The following RAI14 variants were observed in gnomAD, a reference collection of about 807,000 sequenced individuals.
The protein encoded by RAI14 is ankycorbin.
RAI14 carries 45 observed loss-of-function variants against 115.4 expected under a neutral mutation model. The ratio of observed to expected loss-of-function variants is 0.39; its 90% CI spans 0.31 to 0.50. RAI14 has a LOEUF of 0.50. Ranked by LOEUF, RAI14 falls within the 20% of genes least tolerant of loss-of-function variation. The pLI, the probability that RAI14 is intolerant of heterozygous loss-of-function variation, is 0.85. For synonymous variants in RAI14, 371 were observed against 415.4 expected (o/e 0.89, Z 1.30); for missense variants, 939 against 1,131.2 (o/e 0.83, Z 2.44).
intron 1 of RAI14, among the ~76,000 whole-genome samples, chr5:34,663,497 A>G (rs1742860323): frequency 1.3e-5 from 2 of 152,220 alleles, no homozygotes; most frequent in South Asian, 4.1e-4. Flanking sequence ...AGCATGGGCA[A>G]CAGAGTGAGA....
chr5:34,777,717 G>A (rs905510898), intron 3 of RAI14, among the ~76,000 whole-genome samples: 1 of 151,964 alleles, frequency 6.6e-6, no homozygotes, highest in African/African-American at 2.4e-5. Context: ...AGGCAGAGAT[G>A]GCAGTGAGCC....
intron 2 of RAI14, among the ~76,000 whole-genome samples, chr5:34,723,078 C>T (rs1347561378): frequency 1.3e-4 from 18 of 137,038 alleles, no homozygotes; most frequent in Admixed American, 3.2e-4. Flanking sequence ...CCAGCCTGGG[C>T]GACAGAGTGA....
chr5:34,790,118 G>A (rs1181576596), intron 3 of RAI14, among the ~76,000 whole-genome samples: 1 of 152,214 alleles, frequency 6.6e-6, no homozygotes, highest in Non-Finnish European at 1.5e-5. Context: ...TTCATAGTGT[G>A]GTTTTCCCAC....
At chr5:34,727,316 GCATT>G (rs1743590453) in intron 2 of RAI14, among the ~76,000 whole-genome samples, 1 of 152,190 alleles carries the variant, frequency 6.6e-6, no homozygotes. Context: ...AAGCGGCAAA[GCATT>G]CAAGAGAAAG....
chr5:34,759,028 G>A (rs1249710490), intron 3 of RAI14, among the ~76,000 whole-genome samples: 6 of 152,264 alleles, frequency 3.9e-5, no homozygotes, highest in Admixed American at 1.3e-4. Flanking sequence ...TTGGGAGGCC[G>A]AGGCGGGTGG....
intron 1 of RAI14, among the ~76,000 whole-genome samples, chr5:34,665,149 ATATGTG>A (rs1743061309): frequency 3.4e-5 from 2 of 59,546 alleles, no homozygotes; most frequent in African/African-American, 1.0e-4. Context: ...ATACACATAT[ATATGTG>A]TGTGTATATA....
At chr5:34,798,494 A>T (rs1234790678) in intron 4 of RAI14, among the ~76,000 whole-genome samples, 1 of 152,208 alleles carries the variant, frequency 6.6e-6, no homozygotes, top group Non-Finnish European at 1.5e-5. Flanking sequence ...TTGTCCCAAT[A>T]CATTTTTACA....
Position 34,717,232 on chromosome 5 carries a change from T to C in RAI14, c.36+30277T>C, listed in dbSNP as rs188553587. ...TAAAGAGTTACCGCAAAAAAGTCTT[T>C]GAATTGTTGGCATGCTAAAGTTAAT... On this transcript the variant is annotated intron_variant, in intron 2 of 17. Coordinates refer to ENST00000265109, the MANE Select transcript of RAI14 (RefSeq NM_015577.3). Among the ~76,000 whole-genome samples, 10 of 152,350 alleles carry C rather than the reference T, an allele frequency of 6.6e-5. No individual in the cohort carries two copies. The East Asian group carries it at 1.9e-3, about 29-fold the overall frequency.
In RAI14 at chr5:34,799,879, G is replaced by T. The variant is rs376876346; in HGVS notation, c.257-3833G>T. Reference sequence around the variant, plus strand: ...ATTTTTTGTATTTTTAGTAGGGACGGGGTTTCACCGTGTTAGCCAGGCTGG... The same window carrying T: ...ATTTTTTGTATTTTTAGTAGGGACGTGGTTTCACCGTGTTAGCCAGGCTGG... On this transcript the variant is annotated intron_variant, in intron 4 of 17. Coordinates refer to ENST00000265109, the MANE Select transcript of RAI14 (RefSeq NM_015577.3). Among the ~76,000 whole-genome samples the T allele has an allele frequency of 5.9e-5, 9 of 152,000 alleles. No individual in the cohort carries two copies. The East Asian group carries it at 1.7e-3, about 30-fold the overall frequency.
At chr5:34,691,593 A>G (rs1188805570) in intron 2 of RAI14, among the ~76,000 whole-genome samples, 2 of 152,192 alleles carry the variant, frequency 1.3e-5, no homozygotes, top group Non-Finnish European at 2.9e-5. Context: ...ATTTTTAGTG[A>G]CTTGAGTGAA....
chr5:34,669,641 G>A (rs1194498413), intron 1 of RAI14, among the ~76,000 whole-genome samples: 1 of 152,140 alleles, frequency 6.6e-6, no homozygotes, highest in Non-Finnish European at 1.5e-5. Flanking sequence ...GTCTCACTGG[G>A]TGATGTTTTT....
At chr5:34,721,712 C>T (rs185946038) in intron 2 of RAI14, among the ~76,000 whole-genome samples, 5 of 152,084 alleles carry the variant, frequency 3.3e-5, no homozygotes, top group East Asian at 1.9e-4. Context: ...TTTTCTTGAA[C>T]GGACACTTTT....
chr5:34,762,013 C>A (rs1001816215), intron 3 of RAI14, among the ~76,000 whole-genome samples: 3 of 152,150 alleles, frequency 2.0e-5, no homozygotes, highest in Non-Finnish European at 4.4e-5. Context: ...AGACTTGAAT[C>A]CCGTAGAGTA....
chr5:34,657,679 G>A (rs1742386137), intron 1 of RAI14, among the ~76,000 whole-genome samples: 2 of 152,198 alleles, frequency 1.3e-5, no homozygotes, highest in Non-Finnish European at 1.5e-5. Flanking sequence ...ATGGGGAAAC[G>A]TTGCCGGATC....
intron 4 of RAI14, among the ~76,000 whole-genome samples, chr5:34,798,725 G>A (rs966922298): frequency 1.4e-4 from 21 of 152,178 alleles, no homozygotes; most frequent in Non-Finnish European, 1.8e-4. Flanking sequence ...CCCCAAGGCA[G>A]TGCCCACTTC....
At chr5:34,683,780 T>G (rs1351467997) in intron 1 of RAI14, among the ~76,000 whole-genome samples, 5 of 151,238 alleles carry the variant, frequency 3.3e-5, no homozygotes, top group Admixed American at 2.6e-4. Flanking sequence ...CAGGGTGGAG[T>G]GCAGTGGCGC....
intron 3 of RAI14, 51 bp downstream of exon 3, chr5:34,757,649 G>T: frequency 6.4e-7 from 1 of 1,551,024 alleles, no homozygotes. Flanking sequence ...TTTTTGGGGT[G>T]TTCTCTGGAA....
rs1755633666 is a variant in RAI14, at chr5:34,811,791, G to C, written c.582G>C (p.Glu194Asp). The C allele has an allele frequency of 6.2e-7, 1 of 1,613,132 alleles. No individual in the cohort carries two copies. The highest frequency in any genetic ancestry group is 8.5e-7 in the Non-Finnish European group (1 of 1,179,880). ...SGRTALMLAC[E>D]IGSSNAVEAL... ...GAACTGCTCTCATGCTGGCCTGTGA[G>C]ATTGGCAGCTCTAACGCTGTGGAAG... Residue 194 changes from glutamate to aspartate, a missense_variant, in exon 9 of 18, where the codon GAG (glutamate) becomes GAC (aspartate). Transcript: ENST00000265109.
At position 34,759,042 on chromosome 5, in the gene RAI14, C is replaced by A. The variant is rs1748264010; in HGVS notation, c.167+1444C>A. On this transcript the variant is annotated intron_variant, in intron 3 of 17. Transcript: ENST00000265109. ...TTTGGGAGGCCGAGGCGGGTGGAAT[C>A]ACTTGAGGTCAGGAGTTCAAGACCA... Among the ~76,000 whole-genome samples, 3 of 152,252 alleles carry A rather than the reference C, an allele frequency of 2.0e-5. No homozygotes were observed. In the South Asian group the frequency reaches 6.2e-4, roughly 32 times the overall value.
Sources: gnomAD v4.1 joint callset for allele counts (sites outside exome capture counted in the v4.1 genomes callset) on GRCh38, gnomAD v4.1.1 for gene constraint, MANE v1.5 for transcripts, NCBI Gene and HGNC (gene_info 2026-07-23, HGNC 2026-07-21) for gene names.